GABRB2: variants seen among roughly 807,000 people sequenced by gnomAD.
GABRB2 encodes the protein gamma-aminobutyric acid receptor subunit beta-2.
A neutral mutation model predicts 54.7 loss-of-function variants in GABRB2; 16 were observed. The ratio of observed to expected loss-of-function variants is 0.29; its 90% CI spans 0.20 to 0.44. GABRB2 has a LOEUF of 0.44. GABRB2 is among the 20% of genes least tolerant of loss of function. GABRB2 has a pLI of 1.00. For missense variants in GABRB2, 355 were observed against 644.0 expected, an observed-to-expected ratio of 0.55 and a Z score of 4.86; for synonymous variants, 244 against 233.8, an observed-to-expected ratio of 1.04 and a Z score of -0.40.
intron 3 of GABRB2, among the ~76,000 whole-genome samples, chr5:161,522,778 C>A (rs1403576662): frequency 2.6e-5 from 4 of 151,574 alleles, no homozygotes; most frequent in African/African-American, 9.7e-5. Flanking sequence ...TGAATCGTAG[C>A]CCAGTGTCCT....
At position 161,291,989 on chromosome 5, in the gene GABRB2, C is replaced by T. The variant is rs1408314362; in HGVS notation, c.*2092G>A. The T allele has an allele frequency of 6.6e-6, 1 of 152,196 alleles. No individual in the cohort carries two copies. The highest frequency in any genetic ancestry group is 1.5e-5 in the Non-Finnish European group (1 of 68,018). 9.4% of individuals were successfully genotyped at this position (152,196 alleles called of 1,614,324 possible). On this transcript the variant is annotated 3_prime_UTR_variant, in exon 10 of 10. Transcript: ENST00000393959. ...CCTGGAGAAACATGAGGAATCTCTA[C>T]TCTGAGCCTGTGAGAAGAATCTTGG...
In GABRB2 at chr5:161,384,062, G is replaced by A. The variant is rs191154741; in HGVS notation, c.541+26913C>T. On this transcript the variant is annotated intron_variant, in intron 5 of 9. Coordinates refer to ENST00000393959, the MANE Select transcript of GABRB2 (RefSeq NM_001371727.1). ...GCCACTACAACTGGGCCATATAGACGATTTCTAAGGTCCATTGTGTATATA... is the reference window on the plus strand; with the variant it reads ...GCCACTACAACTGGGCCATATAGACAATTTCTAAGGTCCATTGTGTATATA... 1.3e-4 allele frequency among the ~76,000 whole-genome samples: 20 copies of A among 152,070 alleles called. No individual in the cohort carries two copies. The East Asian group carries it at 1.5e-3, about 12-fold the overall frequency.
At position 161,517,958 on chromosome 5, in the gene GABRB2, G is replaced by A. The variant is rs193123610; in HGVS notation, c.237+27269C>T. On this transcript the variant is annotated intron_variant, in intron 3 of 9. Transcript: ENST00000393959. ...ACTACAGGCGCCCGCCACCACACCC[G>A]CCACCACGCCCGGCTAATTTTTTGT... 1.8e-3 allele frequency among the ~76,000 whole-genome samples: 271 copies of A among 152,042 alleles called. 1 individual carries two copies. Among genetic ancestry groups the A allele is most frequent in the African/African-American group, 6.1e-3 (253 of 41,466 alleles).
intron 4 of GABRB2, among the ~76,000 whole-genome samples, chr5:161,453,506 G>A (rs184027190): frequency 6.6e-6 from 1 of 152,082 alleles, no homozygotes; most frequent in African/African-American, 2.4e-5. Flanking sequence ...CAGTGAGAAG[G>A]TATCATCCAT....
chr5:161,316,508 G>A (rs1388057240), intron 9 of GABRB2, among the ~76,000 whole-genome samples: 3 of 152,070 alleles, frequency 2.0e-5, no homozygotes, highest in African/African-American at 7.2e-5. Flanking sequence ...CTTTCTTTTT[G>A]TTTATTTTTA....
chr5:161,525,311 C>T (rs1048998313), intron 3 of GABRB2, among the ~76,000 whole-genome samples: 2 of 151,114 alleles, frequency 1.3e-5, no homozygotes, highest in Non-Finnish European at 3.0e-5. Context: ...TCCCTGAATT[C>T]CAGTTTAACA....
At chr5:161,382,963 C>T (rs576104035) in intron 5 of GABRB2, among the ~76,000 whole-genome samples, 3 of 152,138 alleles carry the variant, frequency 2.0e-5, no homozygotes, top group African/African-American at 4.8e-5. Context: ...TCCTGCAAAG[C>T]GAGACTTGGA....
chr5:161,450,921 T>C (rs756824646), intron 4 of GABRB2, among the ~76,000 whole-genome samples: 17 of 152,118 alleles, frequency 1.1e-4, no homozygotes, highest in Non-Finnish European at 2.4e-4. Flanking sequence ...AGAGAATAGG[T>C]TCTCACATTC....
intron 9 of GABRB2, among the ~76,000 whole-genome samples, chr5:161,316,472 G>A (rs1378304047): frequency 1.3e-5 from 2 of 152,168 alleles, no homozygotes; most frequent in African/African-American, 2.4e-5. Context: ...CCAAGGCAGG[G>A]CAGTTACTGT....
chr5:161,520,654 C>T (rs11135151), intron 3 of GABRB2, among the ~76,000 whole-genome samples: 45,612 of 151,810 alleles, frequency 0.3, 7,128 homozygotes, highest in Admixed American at 0.41. Flanking sequence ...AATTCGCAAG[C>T]GTTTATGTTA....
At chr5:161,540,946 G>C (rs186520198) in intron 3 of GABRB2, among the ~76,000 whole-genome samples, 1 of 151,958 alleles carries the variant, frequency 6.6e-6, no homozygotes, top group Non-Finnish European at 1.5e-5. Flanking sequence ...ACCCAGGTTC[G>C]AGTGATCCTC....
At chr5:161,499,840 T>G (rs1759374734) in intron 3 of GABRB2, among the ~76,000 whole-genome samples, 1 of 152,142 alleles carries the variant, frequency 6.6e-6, no homozygotes, top group Non-Finnish European at 1.5e-5. Context: ...TAAATTGCCT[T>G]GCTTGTCTCT....
intron 4 of GABRB2, among the ~76,000 whole-genome samples, chr5:161,452,195 T>A (rs2113239650): frequency 6.6e-6 from 1 of 152,304 alleles, no homozygotes; most frequent in Non-Finnish European, 1.5e-5. Flanking sequence ...TAAATCAGGG[T>A]TTTCTTCAAG....
chr5:161,303,047 C>T (rs1757582307), intron 9 of GABRB2, among the ~76,000 whole-genome samples: 1 of 152,174 alleles, frequency 6.6e-6, no homozygotes, highest in South Asian at 2.1e-4. Flanking sequence ...TCTTTTTACT[C>T]TGCCTTTTTA....
chr5:161,461,330 G>A (rs1191358762), intron 3 of GABRB2, among the ~76,000 whole-genome samples: 1 of 152,116 alleles, frequency 6.6e-6, no homozygotes, highest in East Asian at 1.9e-4. Context: ...AGGCTGGGCT[G>A]CAACTTTTAG....
intron 5 of GABRB2, among the ~76,000 whole-genome samples, chr5:161,393,695 C>A (rs1031159119): frequency 6.6e-6 from 1 of 151,992 alleles, no homozygotes; most frequent in East Asian, 1.9e-4. Context: ...TGAGAAAATT[C>A]ATCAGGAAGA....
chr5:161,483,532 T>C (rs1758828706), intron 3 of GABRB2, among the ~76,000 whole-genome samples: 1 of 150,808 alleles, frequency 6.6e-6, no homozygotes, highest in Non-Finnish European at 1.5e-5. Flanking sequence ...GAAACAGTGT[T>C]ATAAAAAAGA....
chr5:161,448,068 C>G (rs893972513), intron 4 of GABRB2, among the ~76,000 whole-genome samples: 1 of 152,058 alleles, frequency 6.6e-6, no homozygotes, highest in Admixed American at 6.6e-5. Context: ...GTTTGTGCAG[C>G]CTTGAAATTA....
chr5:161,362,397 T>C (rs1165193160), intron 5 of GABRB2, among the ~76,000 whole-genome samples: 2 of 152,224 alleles, frequency 1.3e-5, no homozygotes, highest in African/African-American at 4.8e-5. Context: ...ATATTGATTC[T>C]TCCTATCCAT....
Sources: gnomAD v4.1 joint callset for allele counts (sites outside exome capture counted in the v4.1 genomes callset) on GRCh38, gnomAD v4.1.1 for gene constraint, MANE v1.5 for transcripts, NCBI Gene and HGNC (gene_info 2026-07-23, HGNC 2026-07-21) for gene names.